The following SLC30A8 variants were observed in gnomAD, a reference collection of about 807,000 sequenced individuals.
The protein encoded by SLC30A8 is solute carrier family 30 member 8.
In SLC30A8, 27 loss-of-function variants were observed where a neutral mutation model predicts 36.9. The ratio of observed to expected loss-of-function variants is 0.73; its 90% CI spans 0.54 to 1.01. The LOEUF is 1.01. Among genes scored for constraint, SLC30A8 ranks in the 50% least tolerant of loss-of-function variants. The probability of loss-of-function intolerance (pLI) is 0.00; values close to 1 mark genes in which losing one functional copy is unlikely to be tolerated. For missense variants in SLC30A8, 439 were observed against 452.0 expected (o/e 0.97, Z 0.26); for synonymous variants, 164 against 172.4 (o/e 0.95, Z 0.38).
chr8:117,172,607 T>G lies in SLC30A8; in HGVS notation c.1036T>G (p.Ser346Ala). The change falls in exon 8 of 8, where the codon TCA (serine) becomes GCA (alanine). Residue 346 changes from serine to alanine, a missense_variant. Ser to Ala is a moderately conservative substitution (Grantham distance 99, BLOSUM62 1). Transcript: ENST00000456015. ...CCTTAGCAAAAGCTTTACGATGCAC[T>G]CACTCACCATTCAGATGGAATCTCC... ...KALSKSFTMH[S>A]LTIQMESPVD... is the part of the protein sequence containing the mutation. The G allele has an allele frequency of 1.2e-6, 2 of 1,613,740 alleles. No individual in the cohort carries two copies. The highest frequency in any genetic ancestry group is 1.7e-6 in the Non-Finnish European group (2 of 1,179,720).
intron 7 of SLC30A8, among the ~76,000 whole-genome samples, chr8:117,171,481 T>G (rs1438306394): frequency 6.6e-6 from 1 of 152,118 alleles, no homozygotes; most frequent in Non-Finnish European, 1.5e-5. Context: ...TGGTGCCCTA[T>G]CAGTCAAATA....
chr8:117,086,558 T>C (rs1247744814), intron 2 of SLC30A8, among the ~76,000 whole-genome samples: 1 of 152,192 alleles, frequency 6.6e-6, no homozygotes. Flanking sequence ...GTCAAACTGG[T>C]TTAGACTTGG....
intron 2 of SLC30A8, among the ~76,000 whole-genome samples, chr8:117,104,546 T>C (rs1016358154): frequency 6.6e-6 from 1 of 152,166 alleles, no homozygotes; most frequent in Non-Finnish European, 1.5e-5. Context: ...GAAATTTCCC[T>C]ACAGTCCTCC....
intron 1 of SLC30A8, among the ~76,000 whole-genome samples, chr8:116,986,408 G>A (rs1260657224): frequency 1.3e-5 from 2 of 152,048 alleles, no homozygotes; most frequent in African/African-American, 4.8e-5. Flanking sequence ...GGAGACAGGA[G>A]GTCACACTAA....
At chr8:117,096,255 C>G (rs558184831) in intron 2 of SLC30A8, among the ~76,000 whole-genome samples, 17 of 152,182 alleles carry the variant, frequency 1.1e-4, no homozygotes, top group African/African-American at 4.1e-4. Flanking sequence ...CTCTGCTACT[C>G]CTCATCCATG....
At chr8:117,050,529 C>T (rs1358497889) in intron 2 of SLC30A8, among the ~76,000 whole-genome samples, 1 of 152,024 alleles carries the variant, frequency 6.6e-6, no homozygotes, top group Non-Finnish European at 1.5e-5. Context: ...CCTCAGCCTC[C>T]AGAGTAGCTG....
At chr8:117,139,465 G>A (rs1293352385) in intron 1 of SLC30A8, among the ~76,000 whole-genome samples, 1 of 152,090 alleles carries the variant, frequency 6.6e-6, no homozygotes, top group Non-Finnish European at 1.5e-5. Context: ...CTAGCAGCTT[G>A]ATTATGGACT....
intron 2 of SLC30A8, among the ~76,000 whole-genome samples, chr8:117,040,838 G>A (rs1378736076): frequency 6.6e-6 from 1 of 152,118 alleles, no homozygotes. Context: ...TCTTAGCAAT[G>A]CCGAGTTTTA....
intron 2 of SLC30A8, among the ~76,000 whole-genome samples, chr8:117,068,262 T>C (rs1818227312): frequency 6.6e-6 from 1 of 152,160 alleles, no homozygotes; most frequent in Non-Finnish European, 1.5e-5. Context: ...GGGAGCCAAC[T>C]CCTCTGAGCC....
At chr8:117,054,185 A>G (rs1817796464) in intron 2 of SLC30A8, among the ~76,000 whole-genome samples, 1 of 146,196 alleles carries the variant, frequency 6.8e-6, no homozygotes, top group Non-Finnish European at 1.5e-5. Context: ...TGCAGCCTGG[A>G]TCTCCTGGAC....
intron 2 of SLC30A8, among the ~76,000 whole-genome samples, chr8:117,054,269 T>C (rs1313836492): frequency 1.3e-5 from 2 of 152,018 alleles, no homozygotes; most frequent in Non-Finnish European, 2.9e-5. Context: ...TGGCTATTTT[T>C]AAATTTTTTT....
At chr8:116,957,003 T>C (rs2130582045) in intron 1 of SLC30A8, among the ~76,000 whole-genome samples, 1 of 152,102 alleles carries the variant, frequency 6.6e-6, no homozygotes, top group Non-Finnish European at 1.5e-5. Context: ...TCAATACTCA[T>C]GATATGAGTG....
At chr8:116,957,432 G>A (rs1320812484) in intron 1 of SLC30A8, among the ~76,000 whole-genome samples, 2 of 151,882 alleles carry the variant, frequency 1.3e-5, no homozygotes, top group Admixed American at 6.6e-5. Flanking sequence ...CACCATGCTC[G>A]GCTAATTTTT....
At chr8:117,154,900 A>C (rs1351723725) in intron 3 of SLC30A8, among the ~76,000 whole-genome samples, 1 of 152,186 alleles carries the variant, frequency 6.6e-6, no homozygotes, top group East Asian at 1.9e-4. Context: ...CGAGGGCAAT[A>C]TTCTGTAATA....
At chr8:117,030,753 G>A (rs1056385721) in intron 1 of SLC30A8, among the ~76,000 whole-genome samples, 2 of 152,164 alleles carry the variant, frequency 1.3e-5, no homozygotes, top group Admixed American at 1.3e-4. Flanking sequence ...GACTTGAATA[G>A]CAAACACTAA....
At chr8:117,149,576 G>A (rs900879702) in intron 2 of SLC30A8, among the ~76,000 whole-genome samples, 1 of 152,112 alleles carries the variant, frequency 6.6e-6, no homozygotes, top group Non-Finnish European at 1.5e-5. Context: ...AGATAATTAC[G>A]CAATTTTGGG....
intron 1 of SLC30A8, among the ~76,000 whole-genome samples, chr8:116,979,238 C>CAAAAAAAAA (rs67998633): frequency 7.8e-5 from 5 of 64,306 alleles, no homozygotes; most frequent in African/African-American, 1.2e-4. Flanking sequence ...GACCCTGTCT[C>CAAAAAAAAA]AAAAAAAAAA....
chr8:117,136,259 C>T (rs1219708438), intron 1 of SLC30A8, among the ~76,000 whole-genome samples: 2 of 151,792 alleles, frequency 1.3e-5, no homozygotes, highest in South Asian at 2.1e-4. Context: ...TCCCAGACTT[C>T]GATAATTGCA....
chr8:116,978,959 G>T (rs1222631844), intron 1 of SLC30A8, among the ~76,000 whole-genome samples: 1 of 148,732 alleles, frequency 6.7e-6, no homozygotes, highest in African/African-American at 2.5e-5. Context: ...TAAGGAGGCC[G>T]GGCACAGTAG....
Sources: gnomAD v4.1 joint callset for allele counts (sites outside exome capture counted in the v4.1 genomes callset) on GRCh38, gnomAD v4.1.1 for gene constraint, MANE v1.5 for transcripts, NCBI Gene and HGNC (gene_info 2026-07-23, HGNC 2026-07-21) for gene names.